The following KMT2D variants were observed in gnomAD, a reference collection of about 807,000 sequenced individuals.
KMT2D encodes the protein lysine methyltransferase 2D, also known as histone-lysine N-methyltransferase 2D.
In KMT2D, 55 loss-of-function variants were observed where a neutral mutation model predicts 512.7. That is an observed-to-expected ratio of 0.11 (90% CI 0.09 to 0.13). The LOEUF (loss-of-function observed/expected upper bound fraction) is 0.13. Ranked by LOEUF, KMT2D falls within the 10% of genes least tolerant of loss-of-function variation. The pLI, the probability that KMT2D is intolerant of heterozygous loss-of-function variation, is 1.00. For synonymous variants in KMT2D, 2,995 were observed against 2,904.0 expected (o/e 1.03, Z -1.01); for missense variants, 6,061 against 7,127.9 (o/e 0.85, Z 5.39).
At position 49,033,134 on chromosome 12, in the gene KMT2D, C is replaced by A; in HGVS notation, c.11571G>T (p.Gln3857His). The A allele has an allele frequency of 6.4e-7, 1 of 1,551,412 alleles. No individual in the cohort carries two copies. The highest frequency in any genetic ancestry group is 8.7e-7 in the Non-Finnish European group (1 of 1,146,900). Residue 3857 changes from glutamine (Q) to histidine (H), a missense_variant, in exon 40 of 55, where the codon CAG becomes CAT. Gln to His is a conservative substitution (Grantham distance 24, BLOSUM62 0). Transcript: ENST00000301067. Reference protein sequence around the residue: ...LMGHRLVTAQQQQQQQQHQQQ... With the variant: ...LMGHRLVTAQHQQQQQQHQQQ... ...GTTGGTGCTGTTGTTGCTGCTGCTG[C>A]TGCTGGGCTGTGACCAGCCTGTGTC...
chr12:49,050,101 C>T lies in KMT2D; in HGVS notation c.3487G>A (p.Val1163Met), dbSNP rs892437631. Residue 1163 changes from valine (V) to methionine (M), a missense_variant, in exon 12 of 55, where the codon GTG (valine) becomes ATG (methionine). Transcript: ENST00000301067. The part of the protein sequence containing the change: ...VLLDPEELAP[V>M]TPMEVYPECK... ...TCGGGGTAGACCTCCATAGGGGTCA[C>T]AGGGGCCAGCTCCTCGGGGTCCAGG... The T allele has an allele frequency of 6.2e-6, 10 of 1,613,566 alleles. No individual in the cohort carries two copies. Among genetic ancestry groups the T allele is most frequent in the Non-Finnish European group, 8.5e-6 (10 of 1,179,762 alleles).
intron 13 of KMT2D, 132 bp downstream of exon 13, chr12:49,048,973 G>A (rs1592149725): frequency 4.2e-6 from 3 of 712,516 alleles, no homozygotes; most frequent in East Asian, 2.7e-5. Context: ...GGGCCAAGTG[G>A]ACAGGAATTC....
Position 49,030,906 on chromosome 12 carries a change from T to C in KMT2D, c.13658A>G (p.Lys4553Arg), listed in dbSNP as rs2120410879. 1 of 1,613,822 alleles carries C rather than the reference T, an allele frequency of 6.2e-7. No individual in the cohort carries two copies. Among genetic ancestry groups the C allele is most frequent in the Non-Finnish European group, 8.5e-7 (1 of 1,179,816 alleles). Residue 4553 changes from lysine (K) to arginine (R), a missense_variant, in exon 41 of 55, where the codon AAA becomes AGA. Lys to Arg is a conservative substitution (Grantham distance 26, BLOSUM62 2). Around this residue, in one of 16 missense-constraint regions of KMT2D, gnomAD observed 1,600 missense variants for 1,754.9 expected, o/e 0.91. Transcript: ENST00000301067. ...DGVRASEALL[K>R]QLKQELSLLP... is the part of the protein sequence containing the mutation. ...CTGGGGGGTCACCTGTTTCAGCTGTTTCAGCAAGGCCTCGCTGGCCCTGAC... is the reference window on the plus strand; with the variant it reads ...CTGGGGGGTCACCTGTTTCAGCTGTCTCAGCAAGGCCTCGCTGGCCCTGAC...
rs771385762 is a variant in KMT2D, at chr12:49,021,915, G to T, written c.16522-43C>A. 3.2e-6 allele frequency: 5 copies of T among 1,573,382 alleles called. No homozygotes were observed. In the East Asian group the frequency reaches 8.9e-5, roughly 28 times the overall value. On this transcript the variant is annotated intron_variant, in intron 54 of 54. Coordinates refer to ENST00000301067, the MANE Select transcript of KMT2D (RefSeq NM_003482.4). ...CAGAATCAATGCTAGTCCCCCACAG[G>T]AAGAGGGGAGGCCAGAGAAGATATG...
At chr12:49,025,066 G>A (rs2137712695) in intron 49 of KMT2D, 120 bp from the exon 50 acceptor site, 1 of 1,187,914 alleles carries the variant, frequency 8.4e-7, no homozygotes, top group Admixed American at 2.4e-5. Context: ...TCATGAAGTT[G>A]TGTTGGTCTT....
chr12:49,053,367 T>G, intron 7 of KMT2D, 46 bp from the exon 8 acceptor site: 1 of 1,604,518 alleles, frequency 6.2e-7, no homozygotes. Context: ...TGCCCTCATT[T>G]CCTTTCTTTT....
chr12:49,024,588 G>A lies in KMT2D; in HGVS notation c.16042C>T (p.His5348Tyr). The A allele has an allele frequency of 1.2e-6, 2 of 1,612,146 alleles. No individual in the cohort carries two copies. The highest frequency in any genetic ancestry group is 1.7e-6 in the Non-Finnish European group (2 of 1,178,894). The change falls in exon 51 of 55, where the codon CAC (histidine) becomes TAC (tyrosine). Residue 5348 changes from histidine (H) to tyrosine (Y), a missense_variant. His to Tyr is a moderately conservative substitution (Grantham distance 83). Around this residue, in one of 16 missense-constraint regions of KMT2D, gnomAD observed 261 missense variants for 440.7 expected, o/e 0.59. Transcript: ENST00000301067. This position sits in a 1 kb window ranked among gnomAD's most constrained non-coding sequence, Gnocchi z 4.5. Reference sequence around the variant, plus strand: ...GCATCACAAGCTCACCGTTTGTAGTGTGTGAGGATTTTAGGCTCTGATCGG... The same window carrying A: ...GCATCACAAGCTCACCGTTTGTAGTATGTGAGGATTTTAGGCTCTGATCGG... ...CARSEPKILT[H>Y]YKRPHTLNST... is the part of the protein sequence containing the mutation.
chr12:49,052,354 T>C lies in KMT2D; in HGVS notation c.1329A>G (p.Pro443=). ...GTGGGGACAGGGGTGACTCCTCAGG[T>C]GGGGGCAGCAGTGGCATCTCCTCGT... ...PLNEEMPLLP[P]PEESPLSPPP... is the part of the protein sequence containing the mutation. The change falls in exon 11 of 55, where the codon CCA becomes CCG. Residue 443 remains proline (P), a synonymous_variant. Transcript: ENST00000301067. 6.4e-7 allele frequency: 1 copy of C among 1,551,920 alleles called. No individual in the cohort carries two copies. Among genetic ancestry groups the C allele is most frequent in the South Asian group, 1.2e-5 (1 of 80,342 alleles).
Position 49,052,926 on chromosome 12 carries a change from C to A in KMT2D, c.1101G>T (p.Pro367=), listed in dbSNP as rs765520581. 1.2e-6 allele frequency: 2 copies of A among 1,613,954 alleles called. No homozygotes were observed. Among genetic ancestry groups the A allele is most frequent in the South Asian group, 2.2e-5 (2 of 91,078 alleles). Residue 367 remains proline, a synonymous_variant, in exon 9 of 55, where the codon CCG becomes CCT. Coordinates refer to ENST00000301067, the MANE Select transcript of KMT2D (RefSeq NM_003482.4). ...TCCCCACCACTTACCTGCTACACAC[C>A]GGGGTATGCTGCTCAGCAACGGAGC... ...TIRSVAEQHT[P]VCSRFSPPEP...
At chr12:49,048,836 T>C in intron 13 of KMT2D, 67 bp from the exon 14 acceptor site, 1 of 1,090,386 alleles carries the variant, frequency 9.2e-7, no homozygotes, top group African/African-American at 1.5e-5. Context: ...CTTTCCTCTT[T>C]GGTGTTGGGG....
At position 49,038,064 on chromosome 12, in the gene KMT2D, C is replaced by G; in HGVS notation, c.9292G>C (p.Glu3098Gln). ...GVEPGPLGPEERPPPAADASE... is the reference protein window; with the variant it reads ...GVEPGPLGPEQRPPPAADASE... ...GCATCAGCAGCAGGGGGAGGGCGCTCCTCAGGGCCCAAGGGTCCTGGCTCC... is the reference window on the plus strand; with the variant it reads ...GCATCAGCAGCAGGGGGAGGGCGCTGCTCAGGGCCCAAGGGTCCTGGCTCC... Residue 3098 changes from glutamate to glutamine, a missense_variant, in exon 35 of 55, where the codon GAG becomes CAG. Around this residue, in one of 16 missense-constraint regions of KMT2D, gnomAD observed 533 missense variants for 539.6 expected, o/e 0.99. Transcript: ENST00000301067. This position sits in a 1 kb window ranked among gnomAD's most constrained non-coding sequence, Gnocchi z 5.7. The G allele has an allele frequency of 6.2e-7, 1 of 1,613,172 alleles. No homozygotes were observed.
chr12:49,041,349 C>G lies in KMT2D; in HGVS notation c.6421G>C (p.Gly2141Arg), dbSNP rs373429610. The change falls in exon 32 of 55, where the codon GGG becomes CGG. Residue 2141 changes from glycine to arginine, a missense_variant. Physicochemically the swap from Gly to Arg is moderately radical, Grantham distance 125. Around this residue, in one of 16 missense-constraint regions of KMT2D, gnomAD observed 710 missense variants for 647.3 expected, o/e 1.10. Coordinates refer to ENST00000301067, the MANE Select transcript of KMT2D (RefSeq NM_003482.4). The surrounding 1 kb of genome is among the most constrained non-coding windows in gnomAD (Gnocchi z 5.4). ...GAGCCCGCCGGCGGCTTCAGGAACCCGTCCGCAGAGGTAGACAAGCCGGCG... is the reference window on the plus strand; with the variant it reads ...GAGCCCGCCGGCGGCTTCAGGAACCGGTCCGCAGAGGTAGACAAGCCGGCG... ...TPAGLSTSAD[G>R]FLKPPAGSVP... 6.4e-7 allele frequency: 1 copy of G among 1,566,904 alleles called. No homozygotes were observed. Among genetic ancestry groups the G allele is most frequent in the South Asian group, 1.2e-5 (1 of 83,432 alleles).
Position 49,051,155 on chromosome 12 carries a change from G to T in KMT2D, c.2528C>A (p.Ser843Tyr), listed in dbSNP as rs2120664231. 1 of 1,516,430 alleles carries T rather than the reference G, an allele frequency of 6.6e-7. No homozygotes were observed. Among genetic ancestry groups the T allele is most frequent in the South Asian group, 1.3e-5 (1 of 75,740 alleles). 93.9% of individuals were successfully genotyped at this position (1,516,430 alleles called of 1,614,324 possible). The change falls in exon 11 of 55, where the codon TCC becomes TAC. Residue 843 changes from serine (S) to tyrosine (Y), a missense_variant. Transcript: ENST00000301067. ...LSPQSEEPCL[S>Y]PRPEESHLSP... Reference sequence around the variant, plus strand: ...CAGATGCGATTCCTCAGGCCGGGGGGACAGGCATGGCTCCTCAGACTGGGG... The same window carrying T: ...CAGATGCGATTCCTCAGGCCGGGGGTACAGGCATGGCTCCTCAGACTGGGG...
intron 48 of KMT2D, 64 bp downstream of exon 48, chr12:49,027,739 C>G: frequency 6.5e-7 from 1 of 1,544,228 alleles, no homozygotes; most frequent in Non-Finnish European, 8.8e-7. Flanking sequence ...CAGATGTGAG[C>G]CACCGCGCCT....
rs369605101 is a variant in KMT2D at position 49,043,060 on chromosome 12, C to T, written c.5644+16G>A. ...GAAAACCCTTATACACAAAGAGGTA[C>T]GGGTCACAGCCTCACCTTCTGTGGA... is the stretch of plus-strand genomic sequence containing the variant. On this transcript the variant is annotated intron_variant, in intron 26 of 54. Transcript: ENST00000301067. 19 of 1,600,358 alleles carry T rather than the reference C, an allele frequency of 1.2e-5. No individual in the cohort carries two copies. Among genetic ancestry groups the T allele is most frequent in the Admixed American group, 5.0e-5 (3 of 59,964 alleles).
rs2120484922 is a variant in KMT2D, at chr12:49,037,734, A to G, written c.9622T>C (p.Ser3208Pro). 1 of 1,589,118 alleles carries G rather than the reference A, an allele frequency of 6.3e-7. No homozygotes were observed. The highest frequency in any genetic ancestry group is 2.3e-5 in the East Asian group (1 of 43,636). ...TCGAGCTCAAACTTTTCCAGCAGGGAGGATCCTCCTGGGCCACTCAGTGGG... is the reference window on the plus strand; with the variant it reads ...TCGAGCTCAAACTTTTCCAGCAGGGGGGATCCTCCTGGGCCACTCAGTGGG... ...PSPLSGPGGS[S>P]LLEKFELESG... The change falls in exon 35 of 55, where the codon TCC becomes CCC. Residue 3208 changes from serine (S) to proline (P), a missense_variant. Transcript: ENST00000301067.
chr12:49,052,583 T>G lies in KMT2D; in HGVS notation c.1239A>C (p.Gln413His). The G allele has an allele frequency of 6.2e-7, 1 of 1,613,408 alleles. No homozygotes were observed. The highest frequency in any genetic ancestry group is 8.5e-7 in the Non-Finnish European group (1 of 1,179,598). ...ACTCACCTAGTGGTTTGGCTTCACA[T>G]TGCAGGGGCCCTGGTTCCTTGGGTT... is the stretch of plus-strand genomic sequence containing the variant. ...SMQPKEPGPL[Q>H]CEAKPLGKAG... The change falls in exon 10 of 55, where the codon CAA (glutamine) becomes CAC (histidine). Residue 413 changes from glutamine (Q) to histidine (H), a missense_variant. By Grantham distance (24) the Gln-to-His change is conservative. Coordinates refer to ENST00000301067, the MANE Select transcript of KMT2D (RefSeq NM_003482.4).
Position 49,037,847 on chromosome 12 carries a change from G to A in KMT2D, c.9509C>T (p.Thr3170Ile). 6.3e-7 allele frequency: 1 copy of A among 1,596,114 alleles called. No individual in the cohort carries two copies. Among genetic ancestry groups the A allele is most frequent in the Non-Finnish European group, 8.5e-7 (1 of 1,171,340 alleles). Residue 3170 changes from threonine (T) to isoleucine (I), a missense_variant, in exon 35 of 55, where the codon ACA (threonine) becomes ATA (isoleucine). Physicochemically the swap from Thr to Ile is moderately conservative, Grantham distance 89 (BLOSUM62 -1). This residue lies in a region of KMT2D where 533 missense variants were observed against 539.6 expected (regional missense o/e 0.99). Transcript: ENST00000301067. ...MMGSRDTRMG[T>I]GPFSSSGHTA... ...GTGCCCACTGCTAGAAAATGGCCCTGTGCCCATCCGGGTATCCCGGCTGCC... is the reference window on the plus strand; with the variant it reads ...GTGCCCACTGCTAGAAAATGGCCCTATGCCCATCCGGGTATCCCGGCTGCC...
Position 49,037,331 on chromosome 12 carries a change from C to T in KMT2D, c.10025G>A (p.Arg3342His), listed in dbSNP as rs1397945395. ...TQPPAHALQQ[R>H]LAPSMAMVSN... ...CACCATAGCCATGGATGGAGCCAGG[C>T]GTTGCTGGAGGGCATGAGCTGGTGG... The change falls in exon 35 of 55, where the codon CGC (arginine) becomes CAC (histidine). Residue 3342 changes from arginine to histidine, a missense_variant. Coordinates refer to ENST00000301067, the MANE Select transcript of KMT2D (RefSeq NM_003482.4). The T allele has an allele frequency of 8.1e-6, 13 of 1,612,206 alleles. No homozygotes were observed. Among genetic ancestry groups the T allele is most frequent in the African/African-American group, 1.3e-5 (1 of 75,044 alleles).
Sources: gnomAD v4.1 joint callset for allele counts on GRCh38, gnomAD v4.1.1 for gene constraint, gnomAD v4.1.1 regional missense constraint, Gnocchi (gnomAD v3.1) non-coding constraint, MANE v1.5 for transcripts, NCBI Gene and HGNC (gene_info 2026-07-23, HGNC 2026-07-21) for gene names.